The following DIPK2A variants were observed in gnomAD, a reference collection of about 807,000 sequenced individuals.
DIPK2A encodes the protein divergent protein kinase domain 2A, also known as Golgi Protein of 49 kDa.
DIPK2A carries 27 observed loss-of-function variants against 39.0 expected under a neutral mutation model. That is an observed-to-expected ratio of 0.69 (90% CI 0.51 to 0.96). The LOEUF is 0.96. DIPK2A is among the 40% of genes least tolerant of loss of function. The pLI is 0.00. For missense variants in DIPK2A, 528 were observed against 571.3 expected, an observed-to-expected ratio of 0.92 and a Z score of 0.77; for synonymous variants, 298 against 240.8, an observed-to-expected ratio of 1.24 and a Z score of -2.20.
rs1242349293 is a variant in DIPK2A at position 143,989,519 on chromosome 3, A to G, written c.971A>G (p.Glu324Gly). 1.9e-6 allele frequency: 3 copies of G among 1,599,220 alleles called. No individual in the cohort carries two copies. The highest frequency in any genetic ancestry group is 2.6e-6 in the Non-Finnish European group (3 of 1,169,746). The change falls in exon 3 of 3, where the codon GAA becomes GGA. Residue 324 changes from glutamate (E) to glycine (G), a missense_variant. Glu to Gly is a moderately conservative substitution (Grantham distance 98). This residue lies in a region of DIPK2A where 219 missense variants were observed against 281.5 expected (regional missense o/e 0.78). Coordinates refer to ENST00000315691, the MANE Select transcript of DIPK2A (RefSeq NM_173552.5). ...DKRLIRQNKP[E>G]NWDVWYESKF... ...TTTCCTCCTTTCACAGATAAACCTG[A>G]AAATTGGGATGTATGGTATGAAAGC...
rs756616930 is a variant in DIPK2A, at chr3:143,985,653, A to G, written c.768A>G (p.Pro256=). Residue 256 remains proline (P), a synonymous_variant, in exon 2 of 3, where the codon CCA becomes CCG. Coordinates refer to ENST00000315691, the MANE Select transcript of DIPK2A (RefSeq NM_173552.5). ...AACTGTGGAGTTACTTTAATGCGCC[A>G]TGGGAAAAACGAGTTGACCTCGCTT... ...GEELWSYFNA[P]WEKRVDLAWQ... is the part of the protein sequence containing the mutation. 11 of 1,614,176 alleles carry G rather than the reference A, an allele frequency of 6.8e-6. No homozygotes were observed. The Admixed American group carries it at 1.5e-4, about 22-fold the overall frequency.
At position 143,972,340 on chromosome 3, in the gene DIPK2A, G is replaced by T; in HGVS notation, c.8G>T (p.Arg3Leu). The T allele has an allele frequency of 7.4e-7, 1 of 1,353,666 alleles. No homozygotes were observed. The highest frequency in any genetic ancestry group is 9.5e-7 in the Non-Finnish European group (1 of 1,056,790). 83.9% of individuals were successfully genotyped at this position (1,353,666 alleles called of 1,614,324 possible). The change falls in exon 1 of 3, where the codon CGC (arginine) becomes CTC (leucine). Residue 3 changes from arginine to leucine, a missense_variant. Physicochemically the swap from Arg to Leu is moderately radical, Grantham distance 102. Around this residue, in one of 2 missense-constraint regions of DIPK2A, gnomAD observed 309 missense variants for 289.8 expected, o/e 1.07. Coordinates refer to ENST00000315691, the MANE Select transcript of DIPK2A (RefSeq NM_173552.5). MW[R>L]LVPPKLGRLS... is the part of the protein sequence containing the mutation. ...TGCGGGCGGGCGGGCGGTATGTGGC[G>T]CCTGGTGCCCCCGAAGCTGGGCCGC...
intron 1 of DIPK2A, among the ~76,000 whole-genome samples, chr3:143,977,319 G>T (rs11720540): frequency 0.56 from 85,117 of 151,756 alleles, 26,267 homozygotes; most frequent in African/African-American, 0.84. Flanking sequence ...GAGAAATTTG[G>T]TTTTTATTGT....
At chr3:143,988,935 AT>A (rs1234945335) in intron 2 of DIPK2A, among the ~76,000 whole-genome samples, 7 of 152,216 alleles carry the variant, frequency 4.6e-5, no homozygotes, top group South Asian at 2.1e-4. Flanking sequence ...TATAAAATAA[AT>A]TATGGTCGTG....
chr3:143,991,486 A>G lies in DIPK2A; in HGVS notation c.*1645A>G, dbSNP rs1241768098. 1.3e-5 allele frequency: 2 copies of G among 152,626 alleles called. No homozygotes were observed. The highest frequency in any genetic ancestry group is 4.8e-5 in the African/African-American group (2 of 41,458). The allele number at this position is 152,626 out of a possible 1,614,324, so 9.5% of individuals were successfully genotyped here. A position where few individuals can be genotyped will look rare whatever the true frequency, so the allele number is the denominator to read the frequency against. On this transcript the variant is annotated 3_prime_UTR_variant, in exon 3 of 3. Transcript: ENST00000315691. ...TGTTATTTTATTGTCTTGTGATAGA[A>G]ATTCAACTTGTACCATCTAAAACTA...
rs1421276337 is a variant in DIPK2A at position 143,990,873 on chromosome 3, T to C, written c.*1032T>C. The stretch of plus-strand genomic sequence containing the variant: ...AGATCTTCCTGATTATTTTTTCTGT[T>C]GAAAGTTAAACTACTGCTTTCAAGT... On this transcript the variant is annotated 3_prime_UTR_variant, in exon 3 of 3. Transcript: ENST00000315691. The C allele has an allele frequency of 1.3e-5, 2 of 152,626 alleles. No individual in the cohort carries two copies. The highest frequency in any genetic ancestry group is 2.9e-5 in the Non-Finnish European group (2 of 68,002). 9.5% of individuals were successfully genotyped at this position (152,626 alleles called of 1,614,324 possible). A position where few individuals can be genotyped will look rare whatever the true frequency, so the allele number is the denominator to read the frequency against.
intron 2 of DIPK2A, chr3:143,986,052 G>A (rs571485905): frequency 1.5e-5 from 8 of 549,528 alleles, no homozygotes; most frequent in Non-Finnish European, 2.5e-5. Context: ...GGTGTCAGTT[G>A]AAAATATTGT....
In DIPK2A at chr3:143,972,701, G is replaced by A. The variant is rs1464681361; in HGVS notation, c.369G>A (p.Gln123=). The A allele has an allele frequency of 6.2e-7, 1 of 1,605,864 alleles. No homozygotes were observed. ...GSQRELAQLD[Q]SICKRATGRP... ...AGCGCGAGCTGGCGCAGCTCGACCA[G>A]AGCATCTGCAAGCGGGCCACCGGCC... Residue 123 remains glutamine, a synonymous_variant, in exon 1 of 3, where the codon CAG becomes CAA. Coordinates refer to ENST00000315691, the MANE Select transcript of DIPK2A (RefSeq NM_173552.5).
At chr3:143,983,297 A>C (rs2087851311) in intron 1 of DIPK2A, among the ~76,000 whole-genome samples, 1 of 152,108 alleles carries the variant, frequency 6.6e-6, no homozygotes, top group Non-Finnish European at 1.5e-5. Flanking sequence ...TATTGCACTT[A>C]TTCTAAAATA....
intron 1 of DIPK2A, among the ~76,000 whole-genome samples, chr3:143,976,071 A>G (rs1457358407): frequency 6.6e-6 from 1 of 152,134 alleles, no homozygotes; most frequent in African/African-American, 2.4e-5. Flanking sequence ...TTAAGTGTCT[A>G]AGATGTTTAC....
chr3:143,985,279 A>G (rs1169039514), intron 1 of DIPK2A, among the ~76,000 whole-genome samples: 1 of 152,168 alleles, frequency 6.6e-6, no homozygotes, highest in Non-Finnish European at 1.5e-5. Context: ...CCTCTTATTG[A>G]TCATTTTGGT....
At position 143,985,696 on chromosome 3, in the gene DIPK2A, G is replaced by A. The variant is rs1399004195; in HGVS notation, c.811G>A (p.Ala271Thr). The A allele has an allele frequency of 5.6e-6, 9 of 1,614,056 alleles. No homozygotes were observed. The highest frequency in any genetic ancestry group is 1.7e-5 in the Admixed American group (1 of 60,004). The change falls in exon 2 of 3, where the codon GCA (alanine) becomes ACA (threonine). Residue 271 changes from alanine (A) to threonine (T), a missense_variant. By Grantham distance (58) the Ala-to-Thr change is moderately conservative. Transcript: ENST00000315691. Reference protein sequence around the residue: ...VDLAWQLMEIAEQLTNNDFEF... With the variant: ...VDLAWQLMEITEQLTNNDFEF... ...CCTCGCTTGGCAATTAATGGAAATA[G>A]CAGAACAGCTTACAAACAATGACTT...
intron 1 of DIPK2A, chr3:143,973,596 G>T: frequency 6.7e-7 from 1 of 1,486,294 alleles, no homozygotes; most frequent in Non-Finnish European, 9.2e-7. Flanking sequence ...CTTTGGGTGG[G>T]ATTAGAATCA....
intron 1 of DIPK2A, among the ~76,000 whole-genome samples, chr3:143,977,334 G>A (rs1002831811): frequency 1.3e-5 from 2 of 151,894 alleles, no homozygotes; most frequent in Non-Finnish European, 2.9e-5. Context: ...TATTGTTGTT[G>A]TTGTTGTTGT....
At chr3:143,978,640 CTATATATATATATATATATCTA>C (rs1159706612) in intron 1 of DIPK2A, 3 of 117,006 alleles carry the variant, frequency 2.6e-5, no homozygotes, top group African/African-American at 6.5e-5. Context: ...ATATATATAT[CTATATATATATATATATATCTA>C]TATATAGATA....
intron 1 of DIPK2A, among the ~76,000 whole-genome samples, chr3:143,982,850 AT>A (rs2087844383): frequency 6.6e-6 from 1 of 152,144 alleles, no homozygotes; most frequent in Non-Finnish European, 1.5e-5. Context: ...CAGGAGACCC[AT>A]CTCACATGCA....
rs1385472307 is a variant in DIPK2A at position 143,978,691 on chromosome 3, T to TAG, written c.657+5703_657+5704insGA. On this transcript the variant is annotated intron_variant, in intron 1 of 2. Transcript: ENST00000315691. ...ATAGATATATATATATCTATATATA[T>TAG]ATATATATATACTGTCACATGACTC... 1.8e-3 allele frequency among the ~76,000 whole-genome samples: 244 copies of TAG among 133,298 alleles called. 3 individuals are homozygous for TAG. The highest frequency in any genetic ancestry group is 1.9e-3 in the Non-Finnish European group (120 of 63,498). 87.4% of individuals were successfully genotyped at this position (133,298 alleles called of 152,430 possible).
chr3:143,985,443 A>G (rs1179029127), intron 1 of DIPK2A, 100 bp from the exon 2 acceptor site: 17 of 1,044,836 alleles, frequency 1.6e-5, no homozygotes, highest in South Asian at 1.1e-4. Flanking sequence ...AAGAAAATCC[A>G]AAGTCATTCC....
intron 2 of DIPK2A, among the ~76,000 whole-genome samples, chr3:143,987,732 A>G (rs974441022): frequency 6.6e-6 from 1 of 152,166 alleles, no homozygotes; most frequent in Admixed American, 6.5e-5. Flanking sequence ...AAAAGTATAT[A>G]TAAGACTCTC....
Sources: allele counts gnomAD v4.1 joint callset (sites outside exome capture counted in the v4.1 genomes callset), GRCh38; gene constraint gnomAD v4.1.1; regional missense constraint gnomAD v4.1.1; transcripts MANE v1.5; gene names NCBI Gene and HGNC (gene_info 2026-07-23, HGNC 2026-07-21).